Variants in CRYBG1 observed in about 807,000 individuals in gnomAD.
CRYBG1 encodes crystallin beta-gamma domain containing 1, also known as beta/gamma crystallin domain-containing protein 1.
A neutral mutation model predicts 189.2 loss-of-function variants in CRYBG1; 139 were observed. The ratio of observed to expected loss-of-function variants is 0.73; its 90% CI spans 0.64 to 0.85. The LOEUF is 0.85. Ranked by LOEUF, CRYBG1 falls within the 40% of genes least tolerant of loss-of-function variation. The pLI is 0.00. For synonymous variants in CRYBG1, 1,023 were observed against 1,017.1 expected, an observed-to-expected ratio of 1.01 and a Z score of -0.11; for missense variants, 2,611 against 2,675.8, an observed-to-expected ratio of 0.98 and a Z score of 0.53.
intron 2 of CRYBG1, among the ~76,000 whole-genome samples, chr6:106,507,958 A>G (rs748315180): frequency 5.9e-5 from 9 of 152,222 alleles, no homozygotes; most frequent in Admixed American, 3.9e-4. Flanking sequence ...TAAGAACTGC[A>G]TAACGTGGCT....
At chr6:106,448,283 TCTC>T (rs769643767) in intron 1 of CRYBG1, among the ~76,000 whole-genome samples, 2 of 152,090 alleles carry the variant, frequency 1.3e-5, no homozygotes, top group Admixed American at 1.3e-4. Flanking sequence ...ACCCCATCAT[TCTC>T]CTCCTCTCAA....
chr6:106,436,530 G>A (rs542793073), intron 1 of CRYBG1, among the ~76,000 whole-genome samples: 24 of 152,180 alleles, frequency 1.6e-4, no homozygotes, highest in African/African-American at 5.8e-4. Flanking sequence ...TCCTGACCTC[G>A]TGATCCACCC....
rs73515123 is a variant in CRYBG1 at position 106,491,814 on chromosome 6, G to T, written c.313-19616G>T. 9.5e-3 allele frequency among the ~76,000 whole-genome samples: 1,447 copies of T among 152,144 alleles called. 19 individuals are homozygous for T. The highest frequency in any genetic ancestry group is 0.032 in the African/African-American group (1,340 of 41,496). Reference sequence around the variant, plus strand: ...GCCTCCCCGCTCAGAAACCTTAAAAGTTTTCATATTTCCCATGACATCACA... The same window carrying T: ...GCCTCCCCGCTCAGAAACCTTAAAATTTTTCATATTTCCCATGACATCACA... On this transcript the variant is annotated intron_variant, in intron 2 of 21. Coordinates refer to ENST00000633556, the MANE Select transcript of CRYBG1 (RefSeq NM_001371242.2).
chr6:106,514,817 C>G (rs944453231), intron 3 of CRYBG1, among the ~76,000 whole-genome samples: 7 of 152,212 alleles, frequency 4.6e-5, no homozygotes. Context: ...TTTCCCAGTT[C>G]TGATTAATTT....
rs532402340 is a variant in CRYBG1 at position 106,560,576 on chromosome 6, T to C, written c.5856-227T>C. ...TTTACGGAGGAAAAAACTTACCTAT[T>C]TCTCTTCAAGAATGGAACTTTTTGG... On this transcript the variant is annotated intron_variant, in intron 18 of 21. Coordinates refer to ENST00000633556, the MANE Select transcript of CRYBG1 (RefSeq NM_001371242.2). Among the ~76,000 whole-genome samples, 88 of 152,306 alleles carry C rather than the reference T, an allele frequency of 5.8e-4. 2 individuals carry two copies. The highest frequency in any genetic ancestry group is 2.1e-3 in the African/African-American group (87 of 41,552).
chr6:106,480,374 G>C (rs886353879), intron 2 of CRYBG1, among the ~76,000 whole-genome samples: 3 of 151,928 alleles, frequency 2.0e-5, no homozygotes, highest in African/African-American at 7.3e-5. Flanking sequence ...GATATTAAAA[G>C]AAATTGTGGG....
chr6:106,562,493 C>CTTTAT (rs10671455), intron 20 of CRYBG1, among the ~76,000 whole-genome samples: 138,148 of 151,792 alleles, frequency 0.91, 63,407 homozygotes, highest in Non-Finnish European at 0.99. Context: ...GAATAATATA[C>CTTTAT]TTTAATTTTT....
intron 1 of CRYBG1, among the ~76,000 whole-genome samples, chr6:106,392,030 C>T (rs934873536): frequency 1.3e-5 from 2 of 151,266 alleles, no homozygotes; most frequent in East Asian, 2.0e-4. Flanking sequence ...CTCAGGAAAA[C>T]GTGAGCAGCT....
intron 2 of CRYBG1, among the ~76,000 whole-genome samples, chr6:106,455,634 T>A (rs1016259645): frequency 6.6e-6 from 1 of 152,340 alleles, no homozygotes; most frequent in South Asian, 2.1e-4. Flanking sequence ...AATCACTTAT[T>A]TTCATCTAGA....
chr6:106,507,237 A>G (rs783410), intron 2 of CRYBG1, among the ~76,000 whole-genome samples: 1 of 152,178 alleles, frequency 6.6e-6, no homozygotes, highest in African/African-American at 2.4e-5. Flanking sequence ...CGTAGCACAC[A>G]ACCCATGTGC....
intron 8 of CRYBG1, 48 bp downstream of exon 8, chr6:106,530,363 T>C (rs756694946): frequency 1.3e-6 from 2 of 1,551,870 alleles, no homozygotes; most frequent in Non-Finnish European, 1.7e-6. Flanking sequence ...TTTTTGTGAG[T>C]GTAGTACTGG....
intron 4 of CRYBG1, among the ~76,000 whole-genome samples, chr6:106,522,576 G>A (rs989991740): frequency 2.0e-5 from 3 of 152,204 alleles, no homozygotes; most frequent in Non-Finnish European, 4.4e-5. Context: ...CTATGAGAGA[G>A]GAAGGTGGAA....
intron 15 of CRYBG1, 38 bp downstream of exon 15, chr6:106,552,254 G>T (rs1330783022): frequency 1.5e-6 from 2 of 1,341,458 alleles, no homozygotes; most frequent in Non-Finnish European, 2.0e-6. Context: ...AATATATAAA[G>T]GGCCTTCCAT....
In CRYBG1 at chr6:106,367,012, C is replaced by A. The variant is rs183829924; in HGVS notation, c.173+5931C>A. Among the ~76,000 whole-genome samples, 11 of 152,244 alleles carry A rather than the reference C, an allele frequency of 7.2e-5. No homozygotes were observed. In the East Asian group the frequency reaches 2.1e-3, roughly 29 times the overall value. On this transcript the variant is annotated intron_variant, in intron 1 of 21. Transcript: ENST00000633556. The stretch of plus-strand genomic sequence containing the variant: ...GAGACCCTTCATGCGCTCTCAGTGC[C>A]TTAAAAGTCTTAATATATCTCACTG...
At chr6:106,494,035 A>C (rs910167338) in intron 2 of CRYBG1, among the ~76,000 whole-genome samples, 1 of 152,238 alleles carries the variant, frequency 6.6e-6, no homozygotes, top group African/African-American at 2.4e-5. Flanking sequence ...AAAAGAATGA[A>C]GTACTGATAA....
At chr6:106,474,838 C>T (rs1370202593) in intron 2 of CRYBG1, among the ~76,000 whole-genome samples, 2 of 151,964 alleles carry the variant, frequency 1.3e-5, no homozygotes, top group East Asian at 1.9e-4. Flanking sequence ...TTTTTAAAGG[C>T]GAGAAATTAG....
intron 4 of CRYBG1, among the ~76,000 whole-genome samples, chr6:106,523,880 T>C (rs933778913): frequency 1.3e-5 from 2 of 152,026 alleles, no homozygotes; most frequent in Admixed American, 1.3e-4. Flanking sequence ...TATAAGTGAG[T>C]GCCACCACGC....
At chr6:106,422,273 A>G (rs2114389818) in intron 1 of CRYBG1, among the ~76,000 whole-genome samples, 1 of 152,188 alleles carries the variant, frequency 6.6e-6, no homozygotes, top group Admixed American at 6.5e-5. Context: ...TCTTGAGTGC[A>G]GGGATCTTGG....
chr6:106,480,581 C>T (rs547975731), intron 2 of CRYBG1, among the ~76,000 whole-genome samples: 30 of 151,944 alleles, frequency 2.0e-4, no homozygotes, highest in Admixed American at 5.2e-4. Context: ...GCAGGAGAAT[C>T]ACTTGAACCC....
Sources: allele counts gnomAD v4.1 joint callset (sites outside exome capture counted in the v4.1 genomes callset), GRCh38; gene constraint gnomAD v4.1.1; transcripts MANE v1.5; gene names NCBI Gene and HGNC (gene_info 2026-07-23, HGNC 2026-07-21).